UGT1A10: variants seen among roughly 807,000 people sequenced by gnomAD.
The protein encoded by UGT1A10 is UDP glucuronosyltransferase family 1 member A10, also known as UDP-glucuronosyltransferase 1A10.
UGT1A10 carries 49 observed loss-of-function variants against 45.8 expected under a neutral mutation model. The ratio of observed to expected loss-of-function variants is 1.07; its 90% CI spans 0.85 to 1.36. UGT1A10 has a LOEUF of 1.36. UGT1A10 is among the 40% of genes most tolerant of loss of function. UGT1A10 has a pLI of 0.00. For missense variants in UGT1A10, 745 were observed against 668.6 expected (o/e 1.11, Z -1.26); for synonymous variants, 284 against 249.7 (o/e 1.14, Z -1.29).
intron 1 of UGT1A10, chr2:233,756,060 G>T (rs1357944453): frequency 6.6e-6 from 1 of 152,200 alleles, no homozygotes; most frequent in African/African-American, 2.4e-5. Flanking sequence ...CTGTACACTT[G>T]TGGGAGAATG....
intron 1 of UGT1A10, among the ~76,000 whole-genome samples, chr2:233,676,308 T>A (rs1176322350): frequency 6.6e-6 from 1 of 152,120 alleles, no homozygotes; most frequent in African/African-American, 2.4e-5. Flanking sequence ...TTTCTCACAG[T>A]CTGTTGAGTG....
chr2:233,746,424 C>G (rs1693388244), intron 1 of UGT1A10, among the ~76,000 whole-genome samples: 1 of 151,702 alleles, frequency 6.6e-6, no homozygotes, highest in African/African-American at 2.4e-5. Flanking sequence ...GACCTATTAA[C>G]TTATGTCTTC....
At chr2:233,768,117 T>G in intron 3 of UGT1A10, 103 bp from the exon 4 acceptor site, 1 of 1,600,038 alleles carries the variant, frequency 6.2e-7, no homozygotes, top group Non-Finnish European at 8.5e-7. Context: ...TGCAAGGGCA[T>G]GTGAGTAACA....
At chr2:233,725,279 GGCA>G (rs367576193) in intron 1 of UGT1A10, among the ~76,000 whole-genome samples, 53 of 44,274 alleles carry the variant, frequency 1.2e-3, no homozygotes, top group East Asian at 6.1e-3. Flanking sequence ...CAGAGGCAGA[GGCA>G]GAGGCAGAGG....
chr2:233,636,884 T>A lies in UGT1A10; in HGVS notation c.362T>A (p.Phe121Tyr). The A allele has an allele frequency of 1.2e-6, 2 of 1,614,128 alleles. No individual in the cohort carries two copies. The highest frequency in any genetic ancestry group is 1.7e-6 in the Non-Finnish European group (2 of 1,180,010). ...TCCAGTGGTTTTCTTGACTTATTTT[T>A]TTCGCATTGCAGGAGTTTGTTTAAT... is the stretch of plus-strand genomic sequence containing the variant. ...SSSSGFLDLF[F>Y]SHCRSLFNDR... Residue 121 changes from phenylalanine (F) to tyrosine (Y), a missense_variant, in exon 1 of 5, where the codon TTT (phenylalanine) becomes TAT (tyrosine). Phe to Tyr is a conservative substitution (Grantham distance 22). Transcript: ENST00000344644.
At chr2:233,658,982 A>G (rs2073911767) in intron 1 of UGT1A10, among the ~76,000 whole-genome samples, 1 of 152,224 alleles carries the variant, frequency 6.6e-6, no homozygotes, top group Admixed American at 6.5e-5. Flanking sequence ...CACAAAAAAA[A>G]GCCTGTTGGG....
chr2:233,733,665 C>A (rs572113839), intron 1 of UGT1A10, among the ~76,000 whole-genome samples: 1 of 152,162 alleles, frequency 6.6e-6, no homozygotes, highest in Non-Finnish European at 1.5e-5. Context: ...CCGACTTGAT[C>A]GATGTGGATA....
chr2:233,765,641 G>A (rs914163891), intron 1 of UGT1A10, among the ~76,000 whole-genome samples: 1 of 151,492 alleles, frequency 6.6e-6, no homozygotes, highest in African/African-American at 2.4e-5. Flanking sequence ...TTAGAGGATA[G>A]GTCAATAGGT....
At chr2:233,664,959 C>T (rs1160760466) in intron 1 of UGT1A10, among the ~76,000 whole-genome samples, 1 of 152,060 alleles carries the variant, frequency 6.6e-6, no homozygotes, top group Non-Finnish European at 1.5e-5. Context: ...GGGAAAATAC[C>T]AAAAACCACA....
rs1004907287 is a variant in UGT1A10 at position 233,772,662 on chromosome 2, T to C, written c.*103T>C. 14 of 1,540,212 alleles carry C rather than the reference T, an allele frequency of 9.1e-6. No individual in the cohort carries two copies. The highest frequency in any genetic ancestry group is 8.3e-5 in the African/African-American group (6 of 72,644). On this transcript the variant is annotated 3_prime_UTR_variant, in exon 5 of 5. Coordinates refer to ENST00000344644, the MANE Select transcript of UGT1A10 (RefSeq NM_019075.4). ...ATTCATTTTATTCTTATTAAGGAAA[T>C]ACTTTGCATAAATTAATCAGCCCCA...
intron 1 of UGT1A10, chr2:233,672,410 A>G: frequency 6.2e-7 from 1 of 1,614,006 alleles, no homozygotes; most frequent in South Asian, 1.1e-5. Flanking sequence ...ATTGTTGCCA[A>G]ATATTTCTCC....
At chr2:233,693,127 T>A (rs779383196) in intron 1 of UGT1A10, 1 of 1,614,216 alleles carries the variant, frequency 6.2e-7, no homozygotes, top group South Asian at 1.1e-5. Flanking sequence ...ACTGGCTTAG[T>A]ATGAAGGATA....
chr2:233,729,130 G>A, intron 1 of UGT1A10: 3 of 1,613,182 alleles, frequency 1.9e-6, no homozygotes, highest in Non-Finnish European at 2.5e-6. Context: ...TGCTGAGATG[G>A]CCACAGGACT....
intron 1 of UGT1A10, chr2:233,747,483 C>A (rs993277218): frequency 6.2e-7 from 1 of 1,608,496 alleles, no homozygotes; most frequent in Non-Finnish European, 8.5e-7. Context: ...TGAATTTGAT[C>A]GCCTTGTGCT....
chr2:233,713,404 T>A, intron 1 of UGT1A10: 2 of 1,614,162 alleles, frequency 1.2e-6, no homozygotes, highest in Non-Finnish European at 1.7e-6. Context: ...GAGGCCCTGA[T>A]CAGGCACCTG....
intron 1 of UGT1A10, chr2:233,672,653 C>T (rs561534651): frequency 8.3e-5 from 134 of 1,613,904 alleles, no homozygotes; most frequent in East Asian, 6.5e-4. Context: ...ACACCTGTTA[C>T]GGAGTATGAT....
chr2:233,710,462 G>A (rs1359524823), intron 1 of UGT1A10, among the ~76,000 whole-genome samples: 1 of 152,186 alleles, frequency 6.6e-6, no homozygotes, highest in Non-Finnish European at 1.5e-5. Flanking sequence ...CCATCCTAAT[G>A]GGTGTGTAGT....
At chr2:233,647,771 C>T (rs1457824882) in intron 1 of UGT1A10, among the ~76,000 whole-genome samples, 1 of 152,156 alleles carries the variant, frequency 6.6e-6, no homozygotes, top group Non-Finnish European at 1.5e-5. Context: ...TATCTTCTGT[C>T]TTTTTTCCTA....
At chr2:233,676,441 C>G (rs1226667479) in intron 1 of UGT1A10, among the ~76,000 whole-genome samples, 1 of 152,206 alleles carries the variant, frequency 6.6e-6, no homozygotes, top group African/African-American at 2.4e-5. Flanking sequence ...TCTCATGTTT[C>G]TATGGCACAT....
Sources: allele counts gnomAD v4.1 joint callset (sites outside exome capture counted in the v4.1 genomes callset), GRCh38; gene constraint gnomAD v4.1.1; transcripts MANE v1.5; gene names NCBI Gene and HGNC (gene_info 2026-07-23, HGNC 2026-07-21).